Variants in KALRN observed in about 807,000 individuals in gnomAD.
The protein encoded by KALRN is kalirin.
A neutral mutation model predicts 353.7 loss-of-function variants in KALRN; 70 were observed. That is an observed-to-expected ratio of 0.20 (90% CI 0.16 to 0.24). The LOEUF (loss-of-function observed/expected upper bound fraction) is 0.24, where lower values mean the gene tolerates loss of function less well. Among genes scored for constraint, KALRN ranks in the 10% least tolerant of loss-of-function variants. The pLI is 1.00. For missense variants in KALRN, 2,791 were observed against 3,756.7 expected (o/e 0.74, Z 6.72); for synonymous variants, 1,391 against 1,434.8 (o/e 0.97, Z 0.69).
chr3:124,170,000 G>A (rs1234616389), intron 1 of KALRN, among the ~76,000 whole-genome samples: 1 of 152,184 alleles, frequency 6.6e-6, no homozygotes, highest in Non-Finnish European at 1.5e-5. Flanking sequence ...GGAGAAGAGG[G>A]CTGGCTTGGT....
At chr3:124,259,684 A>T (rs190476276) in intron 3 of KALRN, among the ~76,000 whole-genome samples, 84 of 152,346 alleles carry the variant, frequency 5.5e-4, no homozygotes, top group African/African-American at 2.0e-3. Flanking sequence ...GGCACTGAAC[A>T]TTCAACAGTG....
At chr3:124,588,231 T>A (rs1270088327) in intron 34 of KALRN, among the ~76,000 whole-genome samples, 1 of 152,128 alleles carries the variant, frequency 6.6e-6, no homozygotes, top group Admixed American at 6.5e-5. Context: ...GATAAATCAT[T>A]GATGTCACAC....
chr3:124,230,881 A>C (rs569951920), intron 2 of KALRN, among the ~76,000 whole-genome samples: 139 of 151,602 alleles, frequency 9.2e-4, no homozygotes, highest in African/African-American at 3.0e-3. Flanking sequence ...ACAAAAAAAA[A>C]ACACCAAACC....
At chr3:124,686,798 A>ATTTTTTTT (rs10599336) in intron 51 of KALRN, among the ~76,000 whole-genome samples, 6 of 70,832 alleles carry the variant, frequency 8.5e-5, no homozygotes, top group Admixed American at 1.9e-4. Flanking sequence ...CACTGGTGAG[A>ATTTTTTTT]TTTTTTTTTT....
chr3:124,665,551 GCCTCC>G (rs2085506178), intron 45 of KALRN, among the ~76,000 whole-genome samples: 1 of 152,130 alleles, frequency 6.6e-6, no homozygotes, highest in African/African-American at 2.4e-5. Context: ...CACAACCTCT[GCCTCC>G]CAGGTTCAAG....
chr3:124,438,309 C>T (rs1004468745), intron 17 of KALRN, among the ~76,000 whole-genome samples: 5 of 152,162 alleles, frequency 3.3e-5, no homozygotes, highest in Admixed American at 3.3e-4. Flanking sequence ...AAATTTGTTA[C>T]CCCTCTACAG....
intron 6 of KALRN, among the ~76,000 whole-genome samples, chr3:124,322,751 T>C (rs1262652730): frequency 1.3e-5 from 2 of 152,226 alleles, no homozygotes; most frequent in African/African-American, 2.4e-5. Flanking sequence ...CATTCTTTCC[T>C]TTTAAGTCAT....
intron 9 of KALRN, among the ~76,000 whole-genome samples, chr3:124,336,997 A>G (rs185333548): frequency 4.6e-5 from 7 of 152,166 alleles, no homozygotes; most frequent in African/African-American, 1.4e-4. Context: ...CAAAAAATCA[A>G]TTGCATTGAT....
intron 1 of KALRN, among the ~76,000 whole-genome samples, chr3:124,176,857 A>AAT (rs1205435887): frequency 6.6e-6 from 1 of 152,144 alleles, no homozygotes; most frequent in Non-Finnish European, 1.5e-5. Flanking sequence ...GGCTAAAAGG[A>AAT]ATTACAGACT....
Position 124,697,641 on chromosome 3 carries a change from C to T in KALRN, c.7748C>T (p.Thr2583Ile), listed in dbSNP as rs766808885. The T allele has an allele frequency of 2.5e-6, 4 of 1,611,902 alleles. No homozygotes were observed. Among genetic ancestry groups the T allele is most frequent in the Non-Finnish European group, 2.5e-6 (3 of 1,179,152 alleles). ...NRPIAQERSC[T>I]SVILRWLPPS... is the part of the protein sequence containing the mutation. Reference sequence around the variant, plus strand: ...CCCATTGCCCAGGAGAGAAGCTGCACCTCCGTGATTCTCCGCTGGCTGCCC... The same window carrying T: ...CCCATTGCCCAGGAGAGAAGCTGCATCTCCGTGATTCTCCGCTGGCTGCCC... Residue 2583 changes from threonine (T) to isoleucine (I), a missense_variant, in exon 55 of 60, where the codon ACC (threonine) becomes ATC (isoleucine). By Grantham distance (89) the Thr-to-Ile change is moderately conservative (BLOSUM62 -1). This residue lies in a region of KALRN where 1,065 missense variants were observed against 1,156.4 expected (regional missense o/e 0.92). Transcript: ENST00000682506.
chr3:124,270,018 TAAG>T (rs1487113745), intron 5 of KALRN, among the ~76,000 whole-genome samples: 3 of 152,192 alleles, frequency 2.0e-5, no homozygotes, highest in Non-Finnish European at 4.4e-5. Context: ...CAGGGAAAAG[TAAG>T]ATAAGAGAAT....
chr3:124,451,303 G>GA (rs941599936), intron 21 of KALRN, among the ~76,000 whole-genome samples: 4 of 151,154 alleles, frequency 2.6e-5, no homozygotes, highest in African/African-American at 9.7e-5. Context: ...GGGAGGGATA[G>GA]AAAAAAAATA....
chr3:124,707,431 TTCCTTCCTTCCTTCCC>T (rs1350602276), intron 57 of KALRN, among the ~76,000 whole-genome samples: 5 of 133,464 alleles, frequency 3.7e-5, no homozygotes, highest in African/African-American at 1.0e-4. Context: ...CCTTCCTTCC[TTCCTTCCTTCCTTCCC>T]TCCTTCCTTC....
chr3:124,521,568 C>A (rs866772628), intron 33 of KALRN, among the ~76,000 whole-genome samples: 2 of 152,172 alleles, frequency 1.3e-5, no homozygotes, highest in Admixed American at 6.5e-5. Flanking sequence ...TAGACTGCCC[C>A]CAAGCCCCAG....
chr3:124,304,073 A>C (rs1335029897), intron 6 of KALRN, among the ~76,000 whole-genome samples: 1 of 151,596 alleles, frequency 6.6e-6, no homozygotes, highest in Admixed American at 6.6e-5. Flanking sequence ...GGCACTTCCC[A>C]TCTCCAAACA....
intron 1 of KALRN, among the ~76,000 whole-genome samples, chr3:124,106,751 A>T (rs1190643354): frequency 6.6e-6 from 1 of 152,190 alleles, no homozygotes; most frequent in Admixed American, 6.5e-5. Context: ...CTGAGCCTGG[A>T]TGTGAAGCCA....
intron 1 of KALRN, among the ~76,000 whole-genome samples, chr3:124,067,337 G>C (rs1225497667): frequency 7.3e-6 from 1 of 136,678 alleles, no homozygotes; most frequent in Non-Finnish European, 1.6e-5. Context: ...CCCCTGTTGT[G>C]ATGGGGAATT....
intron 1 of KALRN, among the ~76,000 whole-genome samples, chr3:124,074,136 C>T (rs2060151096): frequency 6.6e-6 from 1 of 152,012 alleles, no homozygotes. Flanking sequence ...GGGTGCTGAG[C>T]TTACTCAGGT....
At chr3:124,508,170 G>A (rs1297588027) in intron 33 of KALRN, among the ~76,000 whole-genome samples, 1 of 152,118 alleles carries the variant, frequency 6.6e-6, no homozygotes, top group Non-Finnish European at 1.5e-5. Context: ...ATGCGAAAAT[G>A]TACAAACAGA....
Sources: allele counts gnomAD v4.1 joint callset (sites outside exome capture counted in the v4.1 genomes callset), GRCh38; gene constraint gnomAD v4.1.1; regional missense constraint gnomAD v4.1.1; transcripts MANE v1.5; gene names NCBI Gene and HGNC (gene_info 2026-07-23, HGNC 2026-07-21).